The following RAB33A variants were observed in gnomAD, a reference collection of about 807,000 sequenced individuals.
The protein encoded by RAB33A is ras-related protein Rab-33A.
Under a neutral mutation model 12.0 loss-of-function variants are expected in RAB33A, and 6 were observed. The ratio of observed to expected loss-of-function variants is 0.50; its 90% CI spans 0.27 to 0.99. The LOEUF (loss-of-function observed/expected upper bound fraction) is 0.99. Among genes scored for constraint, RAB33A ranks in the 50% least tolerant of loss-of-function variants. The probability of loss-of-function intolerance (pLI) is 0.11; values close to 1 mark genes in which losing one functional copy is unlikely to be tolerated. For synonymous variants in RAB33A, 70 were observed against 82.4 expected (o/e 0.85, Z 0.81); for missense variants, 109 against 192.0 (o/e 0.57, Z 2.55).
the RAB33A span, among the ~76,000 whole-genome samples, chrX:130,158,960 C>T: frequency 9.0e-6 from 1 of 110,873 alleles, no homozygotes; most frequent in African/African-American, 3.3e-5. Flanking sequence ...TAAAAACAAG[C>T]CCAATGTGGA....
chrX:130,153,107 T>G, the RAB33A span, among the ~76,000 whole-genome samples: 1 of 97,996 alleles, frequency 1.0e-5, no homozygotes, highest in African/African-American at 3.9e-5. Context: ...CCGAGGCGGG[T>G]GGATCACCCG....
the RAB33A span, among the ~76,000 whole-genome samples, chrX:130,162,572 T>C: frequency 1.8e-5 from 2 of 112,459 alleles, no homozygotes; most frequent in Admixed American, 1.9e-4. Flanking sequence ...AAAGAATTTC[T>C]TCTGCAAAGC....
At chrX:130,132,705 C>T in the RAB33A span, among the ~76,000 whole-genome samples, 1 of 110,847 alleles carries the variant, frequency 9.0e-6, no homozygotes, top group Admixed American at 9.6e-5. Context: ...ACCAGACCAG[C>T]CTTCATCTTT....
chrX:130,153,729 G>A, the RAB33A span, among the ~76,000 whole-genome samples: 1 of 110,973 alleles, frequency 9.0e-6, no homozygotes, highest in Admixed American at 9.6e-5. Context: ...CCCCCACCCC[G>A]CAAAACCATG....
At chrX:130,147,995 T>A in the RAB33A span, 1 of 917,328 alleles carries the variant, frequency 1.1e-6, no homozygotes. Flanking sequence ...TAGCAAAACA[T>A]ATGACCTACG....
intron 1 of RAB33A, among the ~76,000 whole-genome samples, chrX:130,178,904 G>A (rs1393670115): frequency 1.9e-5 from 2 of 107,700 alleles, no homozygotes; most frequent in Non-Finnish European, 3.8e-5. Flanking sequence ...CACCTGCCTC[G>A]GCCTCCCAAA....
chrX:130,123,523 T>C, the RAB33A span, among the ~76,000 whole-genome samples: 1 of 109,478 alleles, frequency 9.1e-6, no homozygotes, highest in Non-Finnish European at 1.9e-5. Flanking sequence ...AAATCCCATC[T>C]CTATTAAGAA....
chrX:130,115,474 G>A, the RAB33A span, among the ~76,000 whole-genome samples: 2 of 111,242 alleles, frequency 1.8e-5, no homozygotes, highest in African/African-American at 6.5e-5. Context: ...TTAGCTGGGC[G>A]TGGTGGTGGG....
chrX:130,121,333 AC>A, the RAB33A span, among the ~76,000 whole-genome samples: 2 of 90,619 alleles, frequency 2.2e-5, no homozygotes, highest in Non-Finnish European at 4.2e-5. Flanking sequence ...TAACCTCCGC[AC>A]CCCACCCCCG....
chrX:130,139,914 A>G, the RAB33A span: 1 of 1,097,964 alleles, frequency 9.1e-7, no homozygotes, highest in Non-Finnish European at 1.3e-6. Context: ...AACAAGCAGG[A>G]GCCAGCCCAA....
the RAB33A span, chrX:130,133,489 TA>T: frequency 0.13 from 84,707 of 629,037 alleles, 3 homozygotes; most frequent in East Asian, 0.16. Context: ...GAACACATGA[TA>T]AAAAAAAAAA....
chrX:130,147,651 T>C, the RAB33A span: 1 of 1,211,993 alleles, frequency 8.3e-7, no homozygotes. Flanking sequence ...ATGACGCTTA[T>C]CAGAGCCAAG....
the RAB33A span, chrX:130,156,683 C>CT: frequency 9.7e-7 from 1 of 1,031,892 alleles, no homozygotes; most frequent in Admixed American, 2.2e-5. Flanking sequence ...TGTCAATGCA[C>CT]TGTACAAGAC....
At chrX:130,161,733 G>A in the RAB33A span, among the ~76,000 whole-genome samples, 1 of 106,097 alleles carries the variant, frequency 9.4e-6, no homozygotes, top group South Asian at 4.5e-4. Flanking sequence ...TCAGCCTCCC[G>A]AGTAGCAGGG....
the RAB33A span, chrX:130,136,969 C>T: frequency 2.5e-6 from 3 of 1,191,269 alleles, no homozygotes; most frequent in Non-Finnish European, 3.4e-6. Context: ...AAACATTTTA[C>T]AGGCCAGGTG....
chrX:130,140,386 G>T, the RAB33A span: 1 of 538,666 alleles, frequency 1.9e-6, no homozygotes, highest in African/African-American at 2.2e-5. Context: ...CTTTGACACA[G>T]CCAGCTTTTG....
chrX:130,142,913 T>G, the RAB33A span, among the ~76,000 whole-genome samples: 1 of 112,189 alleles, frequency 8.9e-6, no homozygotes, highest in East Asian at 2.8e-4. Context: ...CCCAAAGGTA[T>G]CTGAACCGCC....
the RAB33A span, chrX:130,165,845 G>A: frequency 6.2e-6 from 3 of 486,186 alleles, no homozygotes; most frequent in African/African-American, 2.3e-5. Context: ...GGGGAACGGC[G>A]ACCGGAGGCC....
chrX:130,156,365 G>C, the RAB33A span: 1 of 1,123,122 alleles, frequency 8.9e-7, no homozygotes, highest in Non-Finnish European at 1.2e-6. Context: ...AAGGAGAAAG[G>C]GGAATTAGTT....
Sources: gnomAD v4.1 joint callset for allele counts (sites outside exome capture counted in the v4.1 genomes callset) on GRCh38, gnomAD v4.1.1 for gene constraint, MANE v1.5 for transcripts, NCBI Gene and HGNC (gene_info 2026-07-23, HGNC 2026-07-21) for gene names.